Variants in B3GNT2 observed in about 807,000 individuals in gnomAD.
The protein encoded by B3GNT2 is UDP-GlcNAc:betaGal beta-1,3-N-acetylglucosaminyltransferase 2.
Under a neutral mutation model 27.6 loss-of-function variants are expected in B3GNT2, and 12 were observed. The ratio of observed to expected loss-of-function variants is 0.44; its 90% CI spans 0.28 to 0.71. The LOEUF (loss-of-function observed/expected upper bound fraction) is 0.71. B3GNT2 is among the 30% of genes least tolerant of loss of function. The pLI is 0.17. For synonymous variants in B3GNT2, 192 were observed against 189.7 expected, an observed-to-expected ratio of 1.01 and a Z score of -0.10; for missense variants, 413 against 488.5, an observed-to-expected ratio of 0.85 and a Z score of 1.46.
chr2:62,203,119 G>C (rs1362854260), intron 1 of B3GNT2, among the ~76,000 whole-genome samples: 2 of 152,152 alleles, frequency 1.3e-5, no homozygotes, highest in African/African-American at 2.4e-5. Context: ...ACACTGCTTG[G>C]TTTAAGTAGG....
intron 1 of B3GNT2, among the ~76,000 whole-genome samples, chr2:62,216,865 A>G (rs1674585432): frequency 6.6e-6 from 1 of 152,240 alleles, no homozygotes; most frequent in Admixed American, 6.5e-5. Flanking sequence ...CACGTGAGTC[A>G]CTGTCTGTTT....
chr2:62,204,026 T>C (rs1674321848), intron 1 of B3GNT2, among the ~76,000 whole-genome samples: 2 of 152,224 alleles, frequency 1.3e-5, no homozygotes, highest in Non-Finnish European at 2.9e-5. Flanking sequence ...AGTTTATTTG[T>C]GCTTCAGAAT....
In B3GNT2 at chr2:62,223,017, A is replaced by C. The variant is rs1199389199; in HGVS notation, c.797A>C (p.Lys266Thr). Residue 266 changes from lysine (K) to threonine (T), a missense_variant, in exon 2 of 2, where the codon AAA (lysine) becomes ACA (threonine). By Grantham distance (78) the Lys-to-Thr change is moderately conservative. Transcript: ENST00000301998. Reference sequence around the variant, plus strand: ...TACTTGAATAGTTTATCCAAGACCAAAGCCAAAGATCTCTTCATAGGTGAT... The same window carrying C: ...TACTTGAATAGTTTATCCAAGACCACAGCCAAAGATCTCTTCATAGGTGAT... ...LNYLNSLSKT[K>T]AKDLFIGDVI... The C allele has an allele frequency of 1.9e-6, 3 of 1,614,202 alleles. No individual in the cohort carries two copies. Among genetic ancestry groups the C allele is most frequent in the Non-Finnish European group, 2.5e-6 (3 of 1,180,028 alleles).
rs1321637697 is a variant in B3GNT2, at chr2:62,222,775, A to AC, written c.560dup (p.Glu188ArgfsTer14). 1 of 1,613,882 alleles carries AC rather than the reference A, an allele frequency of 6.2e-7. No individual in the cohort carries two copies. ...TGCGAGTCTTCCTGCTGGGCCAGAC[A>AC]CCCCCAGAGGACAACCACCCCGACC... On this transcript the variant is annotated frameshift_variant, in exon 2 of 2. Coordinates refer to ENST00000301998, the MANE Select transcript of B3GNT2 (RefSeq NM_006577.6). LOFTEE classifies it high-confidence loss of function. The surrounding 1 kb of genome is among the most constrained non-coding windows in gnomAD (Gnocchi z 4.2).
At chr2:62,197,451 G>A (rs895201679) in intron 1 of B3GNT2, among the ~76,000 whole-genome samples, 6 of 152,186 alleles carry the variant, frequency 3.9e-5, no homozygotes, top group Non-Finnish European at 5.9e-5. Context: ...GCGCTCTTCT[G>A]CCCAAAACGT....
intron 1 of B3GNT2, among the ~76,000 whole-genome samples, chr2:62,218,621 T>C (rs1315303318): frequency 2.0e-5 from 3 of 152,282 alleles, no homozygotes; most frequent in South Asian, 2.1e-4. Flanking sequence ...TTGAGCCTCA[T>C]AGAAAAAAGA....
rs561720783 is a variant in B3GNT2 at position 62,196,521 on chromosome 2, C to G, written c.-10+166C>G. ...GCCGGTTCCGGCTTCGTACCCGCGC[C>G]CCGGTGGAGGAAGCCGTCCCTAGGT... On this transcript the variant is annotated intron_variant, in intron 1 of 1. Coordinates refer to ENST00000301998, the MANE Select transcript of B3GNT2 (RefSeq NM_006577.6). Among the ~76,000 whole-genome samples, 760 of 152,350 alleles carry G rather than the reference C, an allele frequency of 5.0e-3. 5 individuals are homozygous for G. The highest frequency in any genetic ancestry group is 0.017 in the African/African-American group (693 of 41,578).
intron 1 of B3GNT2, among the ~76,000 whole-genome samples, chr2:62,208,616 G>A (rs1018179769): frequency 1.3e-5 from 2 of 152,158 alleles, no homozygotes; most frequent in Non-Finnish European, 2.9e-5. Flanking sequence ...ACAGAGCCAG[G>A]GACCAGAGGG....
At chr2:62,206,425 C>G (rs1674375954) in intron 1 of B3GNT2, among the ~76,000 whole-genome samples, 1 of 152,094 alleles carries the variant, frequency 6.6e-6, no homozygotes, top group Admixed American at 6.6e-5. Context: ...CAAGCCCTCA[C>G]TCAGCTAATG....
intron 1 of B3GNT2, among the ~76,000 whole-genome samples, chr2:62,211,955 C>T (rs1046080527): frequency 2.0e-5 from 3 of 152,142 alleles, no homozygotes; most frequent in Admixed American, 6.5e-5. Context: ...GTTTTATACC[C>T]GCTTTTCCCC....
At chr2:62,211,486 C>A (rs1479754934) in intron 1 of B3GNT2, among the ~76,000 whole-genome samples, 2 of 152,102 alleles carry the variant, frequency 1.3e-5, no homozygotes, top group African/African-American at 2.4e-5. Context: ...GAAATTAAGT[C>A]TTCGGGACAA....
intron 1 of B3GNT2, among the ~76,000 whole-genome samples, chr2:62,209,084 G>A (rs1310784241): frequency 1.3e-5 from 2 of 152,156 alleles, no homozygotes; most frequent in East Asian, 1.9e-4. Context: ...TCTGCCTCCC[G>A]GGTTCAAGCG....
intron 1 of B3GNT2, among the ~76,000 whole-genome samples, chr2:62,206,917 T>A (rs1339332040): frequency 6.6e-6 from 1 of 152,208 alleles, no homozygotes. Flanking sequence ...AGAAAATGTG[T>A]CACTGGAAAC....
chr2:62,208,158 G>A (rs1261798107), intron 1 of B3GNT2, among the ~76,000 whole-genome samples: 3 of 151,882 alleles, frequency 2.0e-5, no homozygotes, highest in Non-Finnish European at 4.4e-5. Flanking sequence ...TTGTTTGTAT[G>A]TGTCTGTAGA....
chr2:62,212,755 C>A (rs1674503438), intron 1 of B3GNT2, among the ~76,000 whole-genome samples: 2 of 152,076 alleles, frequency 1.3e-5, no homozygotes, highest in South Asian at 4.1e-4. Context: ...TGTTCCAGGG[C>A]ATCCTTTAGA....
intron 1 of B3GNT2, among the ~76,000 whole-genome samples, chr2:62,210,674 G>T (rs1353332731): frequency 6.6e-6 from 1 of 151,968 alleles, no homozygotes; most frequent in African/African-American, 2.4e-5. Flanking sequence ...GGAGGCAGAG[G>T]TAGGAGAATC....
intron 1 of B3GNT2, among the ~76,000 whole-genome samples, chr2:62,202,674 C>T (rs369708032): frequency 3.9e-5 from 6 of 152,310 alleles, no homozygotes; most frequent in East Asian, 3.9e-4. Context: ...GCAGTCCCTG[C>T]GTTCTCTGCT....
At chr2:62,200,911 C>G (rs1213135909) in intron 1 of B3GNT2, among the ~76,000 whole-genome samples, 2 of 152,180 alleles carry the variant, frequency 1.3e-5, no homozygotes, top group Non-Finnish European at 2.9e-5. Context: ...ATCTGAGTCT[C>G]AGTTACGTAT....
rs368359477 is a variant in B3GNT2 at position 62,223,641 on chromosome 2, T to G, written c.*227T>G. 16 of 446,830 alleles carry G rather than the reference T, an allele frequency of 3.6e-5. No individual in the cohort carries two copies. The highest frequency in any genetic ancestry group is 3.6e-4 in the South Asian group (9 of 25,316). 27.7% of individuals were successfully genotyped at this position (446,830 alleles called of 1,614,324 possible). A position where few individuals can be genotyped will look rare whatever the true frequency, so the allele number is the denominator to read the frequency against. On this transcript the variant is annotated 3_prime_UTR_variant, in exon 2 of 2. Coordinates refer to ENST00000301998, the MANE Select transcript of B3GNT2 (RefSeq NM_006577.6). Reference sequence around the variant, plus strand: ...ATGGCAGGATGATTGGTTCTGATCTTACCGGCTAGTGGTCATTTTTAAAAA... The same window carrying G: ...ATGGCAGGATGATTGGTTCTGATCTGACCGGCTAGTGGTCATTTTTAAAAA...
Sources: gnomAD v4.1 joint callset for allele counts (sites outside exome capture counted in the v4.1 genomes callset) on GRCh38, gnomAD v4.1.1 for gene constraint, Gnocchi (gnomAD v3.1) non-coding constraint, MANE v1.5 for transcripts, NCBI Gene and HGNC (gene_info 2026-07-23, HGNC 2026-07-21) for gene names.